Variants in PCMTD1 observed in about 807,000 individuals in gnomAD.
PCMTD1 encodes protein-L-isoaspartate O-methyltransferase domain-containing protein 1.
A neutral mutation model predicts 37.6 loss-of-function variants in PCMTD1; 12 were observed. The ratio of observed to expected loss-of-function variants is 0.32; its 90% CI spans 0.20 to 0.52. The LOEUF (loss-of-function observed/expected upper bound fraction) is 0.52. Among genes scored for constraint, PCMTD1 ranks in the 20% least tolerant of loss-of-function variants. The pLI, the probability that PCMTD1 is intolerant of heterozygous loss-of-function variation, is 0.97. For synonymous variants in PCMTD1, 117 were observed against 135.8 expected (o/e 0.86, Z 0.96); for missense variants, 235 against 421.3 (o/e 0.56, Z 3.87).
intron 5 of PCMTD1, among the ~76,000 whole-genome samples, chr8:51,825,778 TAAAG>T (rs1054782993): frequency 1.3e-5 from 2 of 151,688 alleles, no homozygotes; most frequent in African/African-American, 4.8e-5. Flanking sequence ...CACTGGTCGT[TAAAG>T]AAATGCAAAT....
At chr8:51,858,775 T>A (rs573894318) in intron 2 of PCMTD1, among the ~76,000 whole-genome samples, 1 of 152,312 alleles carries the variant, frequency 6.6e-6, no homozygotes, top group East Asian at 1.9e-4. Flanking sequence ...AATCCTGGAA[T>A]AGTATCCAGG....
intron 2 of PCMTD1, among the ~76,000 whole-genome samples, chr8:51,855,194 CAA>C (rs796828311): frequency 1.1e-5 from 1 of 89,862 alleles, no homozygotes; most frequent in Non-Finnish European, 2.4e-5. Flanking sequence ...AAAAAACAAA[CAA>C]AAAAAAAACA....
Position 51,818,120 on chromosome 8 carries a change from T to G in PCMTD1, c.*2231A>C, listed in dbSNP as rs1412046602. Reference sequence around the variant, plus strand: ...AATAAACACAAACCCAAAATATTCTTATTCTAATATATCTGCATTAATAGA... The same window carrying G: ...AATAAACACAAACCCAAAATATTCTGATTCTAATATATCTGCATTAATAGA... On this transcript the variant is annotated 3_prime_UTR_variant, in exon 6 of 6. Coordinates refer to ENST00000522514, the MANE Select transcript of PCMTD1 (RefSeq NM_052937.4). 2.8e-6 allele frequency: 1 copy of G among 355,274 alleles called. No homozygotes were observed. Among genetic ancestry groups the G allele is most frequent in the African/African-American group, 2.2e-5 (1 of 46,474 alleles). The allele number at this position is 355,274 out of a possible 1,614,324, so 22.0% of individuals were successfully genotyped here.
Position 51,820,386 on chromosome 8 carries a change from A to C in PCMTD1, c.1039T>G (p.Leu347Val). The C allele has an allele frequency of 6.3e-7, 1 of 1,597,294 alleles. No individual in the cohort carries two copies. The highest frequency in any genetic ancestry group is 8.5e-7 in the Non-Finnish European group (1 of 1,175,336). Residue 347 changes from leucine (L) to valine (V), a missense_variant, in exon 6 of 6, where the codon TTA becomes GTA. Physicochemically the swap from Leu to Val is conservative, Grantham distance 32. Coordinates refer to ENST00000522514, the MANE Select transcript of PCMTD1 (RefSeq NM_052937.4). ...CTAAAATATGTCAAGTAAGCTTTTA[A>C]AGATTCAGGGAGGGGCAGCTTCATG... ...KIMKLPLPES[L>V]KAYLTYFRDK is the part of the protein sequence containing the mutation.
chr8:51,860,656 T>C (rs79482176), intron 2 of PCMTD1, 189 bp downstream of exon 2: 66 of 533,706 alleles, frequency 1.2e-4, no homozygotes, highest in African/African-American at 9.2e-4. Flanking sequence ...CTACTGTAGG[T>C]TGAGGTAAGG....
At chr8:51,836,823 T>C (rs918328502) in intron 3 of PCMTD1, among the ~76,000 whole-genome samples, 14 of 152,122 alleles carry the variant, frequency 9.2e-5, no homozygotes, top group African/African-American at 3.4e-4. Context: ...ATCCTCCCAC[T>C]CCAGCCTCCC....
chr8:51,827,153 T>C (rs1193089774), intron 5 of PCMTD1: 6 of 1,050,108 alleles, frequency 5.7e-6, no homozygotes, highest in Admixed American at 5.4e-5. Flanking sequence ...TTTTGGCAAA[T>C]ATCAATTTTC....
chr8:51,822,014 C>T (rs1208064884), intron 5 of PCMTD1, among the ~76,000 whole-genome samples: 4 of 152,156 alleles, frequency 2.6e-5, no homozygotes, highest in Non-Finnish European at 4.4e-5. Context: ...GGATTACAGG[C>T]GTGAGCCACC....
chr8:51,873,363 C>A (rs1371401029), intron 1 of PCMTD1, among the ~76,000 whole-genome samples: 3 of 152,062 alleles, frequency 2.0e-5, no homozygotes, highest in Non-Finnish European at 4.4e-5. Context: ...TCTGAGACCC[C>A]TGAGAAATGC....
At chr8:51,844,598 G>A (rs912848240) in intron 3 of PCMTD1, among the ~76,000 whole-genome samples, 1 of 152,146 alleles carries the variant, frequency 6.6e-6, no homozygotes, top group South Asian at 2.1e-4. Flanking sequence ...AAAGGGGAAT[G>A]AAACAAAAGT....
At position 51,899,017 on chromosome 8, in the gene PCMTD1, C is replaced by A. The variant is rs2039055910; in HGVS notation, c.-183G>T. 4 of 1,513,194 alleles carry A rather than the reference C, an allele frequency of 2.6e-6. No individual in the cohort carries two copies. The South Asian group carries it at 5.0e-5, about 19-fold the overall frequency. 93.7% of individuals were successfully genotyped at this position (1,513,194 alleles called of 1,614,324 possible). A position where few individuals can be genotyped will look rare whatever the true frequency, so the allele number is the denominator to read the frequency against. On this transcript the variant is annotated 5_prime_UTR_variant, in exon 1 of 6. Transcript: ENST00000522514. ...GACGCCGCTACCACCACAATAACAA[C>A]ACGGACGCCACCGCCGAGTGGAGAG...
intron 1 of PCMTD1, among the ~76,000 whole-genome samples, chr8:51,871,230 G>C (rs2038635100): frequency 6.6e-6 from 1 of 152,224 alleles, no homozygotes; most frequent in South Asian, 2.1e-4. Flanking sequence ...CCTGAAGTGA[G>C]AGGTGTCTAA....
intron 3 of PCMTD1, among the ~76,000 whole-genome samples, chr8:51,834,529 T>G (rs2038040487): frequency 6.6e-6 from 1 of 152,206 alleles, no homozygotes; most frequent in African/African-American, 2.4e-5. Flanking sequence ...AGACAGGTAA[T>G]CTTTTTAAAA....
At chr8:51,873,904 TTTTC>T (rs917745252) in intron 1 of PCMTD1, among the ~76,000 whole-genome samples, 7 of 151,384 alleles carry the variant, frequency 4.6e-5, no homozygotes, top group Middle Eastern at 3.4e-3. Context: ...TTTCTTTTTT[TTTTC>T]TTTTTCTTTT....
chr8:51,877,681 ACTGATATATGCC>A (rs2038732448), intron 1 of PCMTD1, among the ~76,000 whole-genome samples: 1 of 152,204 alleles, frequency 6.6e-6, no homozygotes, highest in Non-Finnish European at 1.5e-5. Flanking sequence ...CAATGCACCT[ACTGATATATGCC>A]CTGAGATGGA....
At chr8:51,843,176 CAAA>C (rs35181880) in intron 3 of PCMTD1, among the ~76,000 whole-genome samples, 12 of 150,254 alleles carry the variant, frequency 8.0e-5, no homozygotes, top group African/African-American at 2.9e-4. Context: ...ACAAAAGGAA[CAAA>C]AAAAAAAACC....
rs1436416448 is a variant in PCMTD1 at position 51,819,505 on chromosome 8, T to C, written c.*846A>G. 2 of 152,428 alleles carry C rather than the reference T, an allele frequency of 1.3e-5. No individual in the cohort carries two copies. The highest frequency in any genetic ancestry group is 6.5e-5 in the Admixed American group (1 of 15,282). 9.4% of individuals were successfully genotyped at this position (152,428 alleles called of 1,614,324 possible). A position where few individuals can be genotyped will look rare whatever the true frequency, so the allele number is the denominator to read the frequency against. On this transcript the variant is annotated 3_prime_UTR_variant, in exon 6 of 6. Coordinates refer to ENST00000522514, the MANE Select transcript of PCMTD1 (RefSeq NM_052937.4). ...TCCTATCAAGAGTCACACATAACAA[T>C]GGTTTTGCTTTTTTTAAAAAACCAA...
At chr8:51,897,122 C>T (rs1446949124) in intron 1 of PCMTD1, among the ~76,000 whole-genome samples, 3 of 152,166 alleles carry the variant, frequency 2.0e-5, no homozygotes, top group Admixed American at 6.5e-5. Context: ...TAGAACCAGA[C>T]GTTGTTCGTG....
At chr8:51,839,438 A>T in intron 3 of PCMTD1, 1 of 985,176 alleles carries the variant, frequency 1.0e-6, no homozygotes, top group Non-Finnish European at 1.2e-6. Context: ...CAGGATTCTA[A>T]TCACTTACCT....
Sources: gnomAD v4.1 joint callset for allele counts (sites outside exome capture counted in the v4.1 genomes callset) on GRCh38, gnomAD v4.1.1 for gene constraint, MANE v1.5 for transcripts, NCBI Gene and HGNC (gene_info 2026-07-23, HGNC 2026-07-21) for gene names.